Variants in BCAS3 observed in about 807,000 individuals in gnomAD.
The protein encoded by BCAS3 is BCAS4/BCAS3 fusion.
A neutral mutation model predicts 116.1 loss-of-function variants in BCAS3; 53 were observed. The ratio of observed to expected loss-of-function variants is 0.46; its 90% confidence interval spans 0.37 to 0.57. BCAS3 has a LOEUF of 0.57. Ranked by LOEUF, BCAS3 falls within the 20% of genes least tolerant of loss-of-function variation. BCAS3 has a pLI of 0.00. For missense variants in BCAS3, 917 were observed against 1,165.4 expected, an observed-to-expected ratio of 0.79 and a Z score of 3.10; for synonymous variants, 391 against 408.2, an observed-to-expected ratio of 0.96 and a Z score of 0.51.
intron 7 of BCAS3, among the ~76,000 whole-genome samples, chr17:60,860,413 A>AT (rs1228765630): frequency 1.3e-5 from 2 of 151,982 alleles, no homozygotes. Context: ...GTTCACAAAT[A>AT]TTTTTCTGTC....
intron 5 of BCAS3, among the ~76,000 whole-genome samples, chr17:60,713,155 A>G (rs1322705563): frequency 6.6e-6 from 1 of 152,216 alleles, no homozygotes; most frequent in Non-Finnish European, 1.5e-5. Flanking sequence ...AACACCAGAA[A>G]GTCCTTGGTT....
At chr17:60,937,825 A>T (rs568511036) in intron 13 of BCAS3, among the ~76,000 whole-genome samples, 5 of 152,188 alleles carry the variant, frequency 3.3e-5, no homozygotes, top group African/African-American at 4.8e-5. Flanking sequence ...TCCAGCAATT[A>T]TTGTCTATGA....
intron 6 of BCAS3, among the ~76,000 whole-genome samples, chr17:60,799,524 G>GTTTTTTTTTTTTTTT (rs869112996): frequency 4.9e-5 from 5 of 102,376 alleles, no homozygotes; most frequent in African/African-American, 1.1e-4. Flanking sequence ...ATTAGTGTTT[G>GTTTTTTTTTTTTTTT]TTTTTTTTTT....
chr17:60,717,513 G>T (rs1014354413), intron 5 of BCAS3, among the ~76,000 whole-genome samples: 8 of 152,140 alleles, frequency 5.3e-5, no homozygotes, highest in African/African-American at 1.9e-4. Context: ...ACCATGCCCG[G>T]CAGAATATGT....
chr17:61,329,121 C>T (rs1168745408), intron 22 of BCAS3, among the ~76,000 whole-genome samples: 5 of 151,194 alleles, frequency 3.3e-5, no homozygotes, highest in Non-Finnish European at 5.9e-5. Flanking sequence ...GTCTTGAACT[C>T]CTGACCTCAG....
intron 22 of BCAS3, among the ~76,000 whole-genome samples, chr17:61,266,866 A>G (rs1472643892): frequency 2.0e-5 from 3 of 152,188 alleles, no homozygotes; most frequent in African/African-American, 7.2e-5. Flanking sequence ...TGTAAATTTC[A>G]GAAAGGCTAG....
intron 3 of BCAS3, among the ~76,000 whole-genome samples, chr17:60,686,164 G>A (rs1378546112): frequency 7.9e-5 from 12 of 152,060 alleles, no homozygotes; most frequent in Non-Finnish European, 1.5e-4. Flanking sequence ...CACCGCACCC[G>A]GCCTATGTTA....
In BCAS3 at chr17:61,376,154, G is replaced by C. The variant is rs142134564; in HGVS notation, c.2593+7660G>C. Among the ~76,000 whole-genome samples the C allele has an allele frequency of 6.6e-6, 1 of 152,322 alleles. No individual in the cohort carries two copies. Among genetic ancestry groups the C allele is most frequent in the East Asian group, 1.9e-4 (1 of 5,180 alleles). ...GGAACTGACAGTGTTGCCCCAGAAA[G>C]CTGGAGAAGTGACATTTACATGTGT... On this transcript the variant is annotated intron_variant, in intron 23 of 23. Transcript: ENST00000407086. The surrounding 1 kb of genome is among the most constrained non-coding windows in gnomAD (Gnocchi z 4.5).
intron 11 of BCAS3, among the ~76,000 whole-genome samples, chr17:60,903,524 G>A (rs866390581): frequency 2.6e-5 from 4 of 152,206 alleles, no homozygotes; most frequent in Non-Finnish European, 5.9e-5. Context: ...CTTAAGACAG[G>A]GTCTCGCTCT....
intron 22 of BCAS3, among the ~76,000 whole-genome samples, chr17:61,237,580 C>T (rs763556238): frequency 3.3e-5 from 5 of 152,286 alleles, no homozygotes; most frequent in South Asian, 2.1e-4. Flanking sequence ...ACACTCACCT[C>T]GAAGGTCCGC....
chr17:61,248,160 C>G lies in BCAS3; in HGVS notation c.2426-120167C>G, dbSNP rs1159746194. Among the ~76,000 whole-genome samples, 1 of 152,102 alleles carries G rather than the reference C, an allele frequency of 6.6e-6. No individual in the cohort carries two copies. The highest frequency in any genetic ancestry group is 2.4e-5 in the African/African-American group (1 of 41,422). ...TGCTTTTCTGAGCACTTCTTGGATC[C>G]TTTCCCCAACAAAGCCACCAAGGGA... On this transcript the variant is annotated intron_variant, in intron 22 of 23. Transcript: ENST00000407086. The surrounding 1 kb of genome is among the most constrained non-coding windows in gnomAD (Gnocchi z 4.3).
Position 61,222,227 on chromosome 17 carries a change from T to G in BCAS3, c.2425+137663T>G, listed in dbSNP as rs2082148347. Reference sequence around the variant, plus strand: ...GTAAAGAAATGATAAAAATAAGGACTCAGCTTAAACCTTTGAAAGAAAGGG... The same window carrying G: ...GTAAAGAAATGATAAAAATAAGGACGCAGCTTAAACCTTTGAAAGAAAGGG... On this transcript the variant is annotated intron_variant, in intron 22 of 23. Coordinates refer to ENST00000407086, the MANE Select transcript of BCAS3 (RefSeq NM_017679.5). The surrounding 1 kb of genome is among the most constrained non-coding windows in gnomAD (Gnocchi z 6.1). Among the ~76,000 whole-genome samples, 1 of 152,206 alleles carries G rather than the reference T, an allele frequency of 6.6e-6. No individual in the cohort carries two copies. Among genetic ancestry groups the G allele is most frequent in the Non-Finnish European group, 1.5e-5 (1 of 68,024 alleles).
chr17:61,240,540 G>C (rs144213479), intron 22 of BCAS3, among the ~76,000 whole-genome samples: 3,083 of 152,270 alleles, frequency 0.02, 90 homozygotes, highest in African/African-American at 0.069. Flanking sequence ...TGTAATCCCA[G>C]CTACTCTGGA....
At position 61,012,777 on chromosome 17, in the gene BCAS3, G is replaced by A. The variant is rs1290454226; in HGVS notation, c.1487-2974G>A. Among the ~76,000 whole-genome samples, 1 of 152,018 alleles carries A rather than the reference G, an allele frequency of 6.6e-6. No individual in the cohort carries two copies. Among genetic ancestry groups the A allele is most frequent in the South Asian group, 2.1e-4 (1 of 4,832 alleles). On this transcript the variant is annotated intron_variant, in intron 15 of 23. Coordinates refer to ENST00000407086, the MANE Select transcript of BCAS3 (RefSeq NM_017679.5). The surrounding 1 kb of genome is among the most constrained non-coding windows in gnomAD (Gnocchi z 4.5). ...TCCTTTATCCTGGTGAGACAGTGAA[G>A]CATTTTAAGTTGTGCCTAGCTAAAC...
intron 6 of BCAS3, among the ~76,000 whole-genome samples, chr17:60,778,449 C>T (rs1222500431): frequency 6.6e-6 from 1 of 152,042 alleles, no homozygotes. Flanking sequence ...AAATTATTTT[C>T]TGTAATTGAA....
At chr17:60,855,816 T>C (rs1468435559) in intron 7 of BCAS3, among the ~76,000 whole-genome samples, 1 of 152,010 alleles carries the variant, frequency 6.6e-6, no homozygotes, top group African/African-American at 2.4e-5. Flanking sequence ...CCAAAGTAGC[T>C]GGGACCACAG....
chr17:60,953,573 G>A (rs1470449592), intron 14 of BCAS3, among the ~76,000 whole-genome samples: 9 of 151,932 alleles, frequency 5.9e-5, no homozygotes, highest in African/African-American at 2.2e-4. Flanking sequence ...TAGTTTGATT[G>A]GAGCCCATTT....
rs998426103 is a variant in BCAS3, at chr17:60,940,787, A to G, written c.1088-6432A>G. On this transcript the variant is annotated intron_variant, in intron 13 of 23. Transcript: ENST00000407086. ...TCATGTTTATGTCTCTTTTTGGAAA[A>G]GAGTGTGAGTAGCTGGTAGTTTGTC... 4.6e-5 allele frequency among the ~76,000 whole-genome samples: 7 copies of G among 152,172 alleles called. No individual in the cohort carries two copies. In the South Asian group the frequency reaches 1.4e-3, roughly 32 times the overall value.
rs2145548977 is a variant in BCAS3 at position 61,019,354 on chromosome 17, G to A, written c.1637+3453G>A. Among the ~76,000 whole-genome samples the A allele has an allele frequency of 6.6e-6, 1 of 152,258 alleles. No individual in the cohort carries two copies. The highest frequency in any genetic ancestry group is 2.4e-5 in the African/African-American group (1 of 41,542). On this transcript the variant is annotated intron_variant, in intron 16 of 23. Coordinates refer to ENST00000407086, the MANE Select transcript of BCAS3 (RefSeq NM_017679.5). The surrounding 1 kb of genome is among the most constrained non-coding windows in gnomAD (Gnocchi z 5.6). ...CCTATTCCTGGTGCCAAAAAGGTTG[G>A]GGATCGCTCCTTAAGCCACTCTCTG...
Sources: allele counts gnomAD v4.1 joint callset (sites outside exome capture counted in the v4.1 genomes callset), GRCh38; gene constraint gnomAD v4.1.1; non-coding constraint Gnocchi (gnomAD v3.1); transcripts MANE v1.5; gene names NCBI Gene and HGNC (gene_info 2026-07-23, HGNC 2026-07-21).